The following DHX35 variants were observed in gnomAD, a reference collection of about 807,000 sequenced individuals.
The protein encoded by DHX35 is probable ATP-dependent RNA helicase DHX35.
A neutral mutation model predicts 99.6 loss-of-function variants in DHX35; 84 were observed. The observed-to-expected ratio is 0.84, with a 90% confidence interval of 0.71 to 1.01. The LOEUF (loss-of-function observed/expected upper bound fraction) is 1.01, where lower values mean the gene tolerates loss of function less well. DHX35 is among the 50% of genes least tolerant of loss of function. DHX35 has a pLI of 0.00. For missense variants in DHX35, 852 were observed against 888.5 expected (o/e 0.96, Z 0.52); for synonymous variants, 331 against 316.2 (o/e 1.05, Z -0.50).
At chr20:39,026,665 G>A (rs1490297553) in intron 18 of DHX35, among the ~76,000 whole-genome samples, 1 of 152,136 alleles carries the variant, frequency 6.6e-6, no homozygotes, top group Non-Finnish European at 1.5e-5. Context: ...TTAGAAAATG[G>A]TGGCAAAGAG....
At chr20:39,033,821 C>T (rs779047351) in intron 20 of DHX35, among the ~76,000 whole-genome samples, 1 of 152,188 alleles carries the variant, frequency 6.6e-6, no homozygotes, top group Non-Finnish European at 1.5e-5. Context: ...TAGAAAATTC[C>T]TTTGTGTCTC....
In DHX35 at chr20:38,996,236, T is replaced by A. The variant is rs8118648; in HGVS notation, c.642+1356T>A. Among the ~76,000 whole-genome samples the A allele has an allele frequency of 7.4e-4, 113 of 152,352 alleles. 1 individual carries two copies. The highest frequency in any genetic ancestry group is 2.6e-3 in the African/African-American group (110 of 41,584). Reference sequence around the variant, plus strand: ...ATGTTTCTCACTTGTCTATCACTATTTAACATTATATGCATTGTTTATTGT... The same window carrying A: ...ATGTTTCTCACTTGTCTATCACTATATAACATTATATGCATTGTTTATTGT... On this transcript the variant is annotated intron_variant, in intron 8 of 21. Coordinates refer to ENST00000252011, the MANE Select transcript of DHX35 (RefSeq NM_021931.4).
chr20:39,003,025 C>G (rs573990716), intron 10 of DHX35, among the ~76,000 whole-genome samples, 157 bp downstream of exon 10: 1 of 152,244 alleles, frequency 6.6e-6, no homozygotes, highest in African/African-American at 2.4e-5. Context: ...ATTCATCTAC[C>G]ATCTAGATTG....
chr20:39,013,130 G>GA (rs371639509), intron 13 of DHX35, among the ~76,000 whole-genome samples: 103 of 147,528 alleles, frequency 7.0e-4, no homozygotes, highest in African/African-American at 1.9e-3. Flanking sequence ...GTTGAAAAAT[G>GA]AAAAAAAAAA....
rs778009032 is a variant in DHX35, at chr20:38,992,417, C to T, written c.574C>T (p.Leu192=). 1 of 1,613,828 alleles carries T rather than the reference C, an allele frequency of 6.2e-7. No individual in the cohort carries two copies. Among genetic ancestry groups the T allele is most frequent in the Admixed American group, 1.7e-5 (1 of 59,990 alleles). The part of the protein sequence containing the change: ...TLYTDIAIGL[L]KKIQKKRGDL... ...GTACACTGACATTGCCATTGGCTTGCTAAAAAAGGTATGACTTCACTGCCA... is the reference window on the plus strand; with the variant it reads ...GTACACTGACATTGCCATTGGCTTGTTAAAAAAGGTATGACTTCACTGCCA... The change falls in exon 7 of 22, where the codon CTA becomes TTA. Residue 192 remains leucine, a synonymous_variant. Coordinates refer to ENST00000252011, the MANE Select transcript of DHX35 (RefSeq NM_021931.4).
At chr20:38,992,457 GTGTT>G (rs1342139202) in intron 7 of DHX35, 32 bp downstream of exon 7, 20 of 1,607,352 alleles carry the variant, frequency 1.2e-5, no homozygotes, top group Non-Finnish European at 1.7e-5. Flanking sequence ...TTCATTGTGT[GTGTT>G]TATTTTATTG....
intron 14 of DHX35, among the ~76,000 whole-genome samples, chr20:39,018,395 G>C (rs1471487735): frequency 6.6e-6 from 1 of 152,036 alleles, no homozygotes; most frequent in Non-Finnish European, 1.5e-5. Flanking sequence ...GCCGAGTGCT[G>C]CTGAGGCCAT....
chr20:38,989,931 A>G (rs1006727128), intron 5 of DHX35, among the ~76,000 whole-genome samples: 5 of 152,224 alleles, frequency 3.3e-5, no homozygotes, highest in Admixed American at 6.5e-5. Context: ...GATTATTAGA[A>G]TCTCAGTTAC....
Position 39,038,602 on chromosome 20 carries a change from C to T in DHX35, c.*59C>T, listed in dbSNP as rs764912906. On this transcript the variant is annotated 3_prime_UTR_variant, in exon 22 of 22. Transcript: ENST00000252011. Reference sequence around the variant, plus strand: ...GGCGTCCTCTCCTCCATGCTGCTGCCCCTGGTCCCAGGTGGGGTGAGCTGG... The same window carrying T: ...GGCGTCCTCTCCTCCATGCTGCTGCTCCTGGTCCCAGGTGGGGTGAGCTGG... The T allele has an allele frequency of 3.2e-6, 5 of 1,570,118 alleles. No homozygotes were observed. In the African/African-American group the frequency reaches 5.4e-5, roughly 17 times the overall value.
chr20:38,987,982 T>C (rs1309024006), intron 4 of DHX35, among the ~76,000 whole-genome samples: 1 of 152,224 alleles, frequency 6.6e-6, no homozygotes, highest in East Asian at 1.9e-4. Flanking sequence ...CAGCTTTGAA[T>C]ATGGTAATTC....
At chr20:39,035,603 A>G (rs533013473) in intron 21 of DHX35, among the ~76,000 whole-genome samples, 31 of 152,206 alleles carry the variant, frequency 2.0e-4, no homozygotes, top group Non-Finnish European at 4.1e-4. Flanking sequence ...TTCTCTTGAA[A>G]GACATGTTTA....
chr20:39,005,465 C>T (rs541111017), intron 11 of DHX35, among the ~76,000 whole-genome samples: 1 of 152,306 alleles, frequency 6.6e-6, no homozygotes, highest in African/African-American at 2.4e-5. Flanking sequence ...AGAGGCTCTG[C>T]CTGGCCAACA....
At chr20:39,017,528 A>G (rs940004462) in intron 14 of DHX35, among the ~76,000 whole-genome samples, 5 of 152,220 alleles carry the variant, frequency 3.3e-5, no homozygotes, top group Admixed American at 6.5e-5. Context: ...AATACCCTAA[A>G]TAAGCTGGAA....
intron 14 of DHX35, among the ~76,000 whole-genome samples, chr20:39,018,038 C>T (rs866373581): frequency 1.3e-5 from 2 of 152,128 alleles, no homozygotes; most frequent in South Asian, 2.1e-4. Context: ...CAGGGGAACT[C>T]CCATTTACAA....
At chr20:38,992,255 G>A (rs2145875949) in intron 6 of DHX35, 101 bp from the exon 7 acceptor site, 1 of 915,082 alleles carries the variant, frequency 1.1e-6, no homozygotes, top group East Asian at 2.4e-5. Flanking sequence ...GATGCAAAGT[G>A]ATTGTATGAG....
chr20:38,972,785 T>C, intron 3 of DHX35, 134 bp downstream of exon 3: 1 of 618,322 alleles, frequency 1.6e-6, no homozygotes, highest in South Asian at 2.0e-5. Flanking sequence ...CTAGATATTT[T>C]TTATTAAACT....
intron 21 of DHX35, among the ~76,000 whole-genome samples, chr20:39,038,103 G>T (rs1241229648): frequency 6.6e-6 from 1 of 152,170 alleles, no homozygotes; most frequent in Non-Finnish European, 1.5e-5. Flanking sequence ...CTTGACTATT[G>T]TCAGGAACTT....
At chr20:38,981,717 T>C (rs987226926) in intron 3 of DHX35, among the ~76,000 whole-genome samples, 1 of 151,718 alleles carries the variant, frequency 6.6e-6, no homozygotes, top group Admixed American at 6.6e-5. Flanking sequence ...CCAAAGTGGG[T>C]GGATCACCTG....
intron 1 of DHX35, among the ~76,000 whole-genome samples, chr20:38,966,539 C>T (rs975387140): frequency 1.3e-5 from 2 of 152,096 alleles, no homozygotes; most frequent in Non-Finnish European, 2.9e-5. Context: ...TGCGGTGGTG[C>T]GTGCCTGTAA....
Sources: allele counts gnomAD v4.1 joint callset (sites outside exome capture counted in the v4.1 genomes callset), GRCh38; gene constraint gnomAD v4.1.1; transcripts MANE v1.5; gene names NCBI Gene and HGNC (gene_info 2026-07-23, HGNC 2026-07-21).